Variants in SKAP2 observed in about 807,000 individuals in gnomAD.
SKAP2 encodes the protein src kinase-associated phosphoprotein 2.
A neutral mutation model predicts 54.9 loss-of-function variants in SKAP2; 28 were observed. The ratio of observed to expected loss-of-function variants is 0.51; its 90% confidence interval spans 0.38 to 0.70. SKAP2 has a LOEUF of 0.70. Among genes scored for constraint, SKAP2 ranks in the 30% least tolerant of loss-of-function variants. SKAP2 has a pLI of 0.00. For missense variants in SKAP2, 356 were observed against 424.1 expected, an observed-to-expected ratio of 0.84 and a Z score of 1.41; for synonymous variants, 137 against 134.3, an observed-to-expected ratio of 1.02 and a Z score of -0.14.
chr7:26,843,982 G>T, intron 4 of SKAP2, 48 bp downstream of exon 4: 2 of 1,126,880 alleles, frequency 1.8e-6, no homozygotes, highest in Non-Finnish European at 1.4e-6. Flanking sequence ...CATATATATA[G>T]CATTGTTTTG....
At chr7:26,815,750 T>C (rs566904136) in intron 4 of SKAP2, among the ~76,000 whole-genome samples, 23 of 152,222 alleles carry the variant, frequency 1.5e-4, no homozygotes, top group Middle Eastern at 3.4e-3. Context: ...TAACAGATTC[T>C]AAATACCACA....
chr7:26,842,366 T>C (rs1356851276), intron 4 of SKAP2, among the ~76,000 whole-genome samples: 1 of 151,668 alleles, frequency 6.6e-6, no homozygotes, highest in East Asian at 1.9e-4. Flanking sequence ...AAATATATGA[T>C]AAATTATTTA....
intron 1 of SKAP2, among the ~76,000 whole-genome samples, chr7:26,860,281 A>C (rs1459593316): frequency 6.6e-6 from 1 of 152,202 alleles, no homozygotes; most frequent in African/African-American, 2.4e-5. Flanking sequence ...TTATATACTT[A>C]AAATAGGCAA....
chr7:26,840,240 T>C (rs1784793444), intron 4 of SKAP2, among the ~76,000 whole-genome samples: 1 of 152,072 alleles, frequency 6.6e-6, no homozygotes, highest in South Asian at 2.1e-4. Context: ...AGGTTTCAGA[T>C]TTTTATCCAC....
At chr7:26,659,463 C>CA in the SKAP2 span, among the ~76,000 whole-genome samples, 2 of 152,082 alleles carry the variant, frequency 1.3e-5, no homozygotes, top group Non-Finnish European at 2.9e-5. Flanking sequence ...CATAAAAATA[C>CA]AATTTATGCC....
intron 4 of SKAP2, among the ~76,000 whole-genome samples, chr7:26,779,359 G>A (rs898907136): frequency 2.4e-4 from 36 of 151,910 alleles, no homozygotes; most frequent in Non-Finnish European, 2.2e-4. Flanking sequence ...TGAACTAATG[G>A]AAATAATTCC....
At chr7:26,680,684 T>C (rs1000787452) in intron 11 of SKAP2, among the ~76,000 whole-genome samples, 19 of 152,202 alleles carry the variant, frequency 1.2e-4, no homozygotes, top group Non-Finnish European at 1.5e-5. Context: ...AGCAACCCTA[T>C]GTGAATAGAA....
At chr7:26,797,594 A>T (rs1167166464) in intron 4 of SKAP2, among the ~76,000 whole-genome samples, 1 of 152,108 alleles carries the variant, frequency 6.6e-6, no homozygotes, top group Non-Finnish European at 1.5e-5. Flanking sequence ...CAAACAGTGA[A>T]GACTACAACA....
chr7:26,789,011 A>G (rs917220107), intron 4 of SKAP2, among the ~76,000 whole-genome samples: 3 of 152,220 alleles, frequency 2.0e-5, no homozygotes, highest in African/African-American at 7.2e-5. Flanking sequence ...AAATGGCAGC[A>G]GACACTTCAA....
At chr7:26,798,337 T>A (rs1455725836) in intron 4 of SKAP2, among the ~76,000 whole-genome samples, 1 of 150,486 alleles carries the variant, frequency 6.6e-6, no homozygotes, top group Non-Finnish European at 1.5e-5. Flanking sequence ...TTGGTGGAAA[T>A]AAACTTCAAA....
intron 4 of SKAP2, among the ~76,000 whole-genome samples, chr7:26,799,726 C>T (rs984939600): frequency 6.6e-6 from 1 of 152,166 alleles, no homozygotes; most frequent in Non-Finnish European, 1.5e-5. Context: ...CAGATATCTA[C>T]AAAACATTTC....
At chr7:26,726,478 T>C (rs1787712060) in intron 7 of SKAP2, among the ~76,000 whole-genome samples, 1 of 152,164 alleles carries the variant, frequency 6.6e-6, no homozygotes, top group Non-Finnish European at 1.5e-5. Flanking sequence ...TGTGTACTTT[T>C]ACCTTCATTT....
At chr7:26,839,714 G>A (rs1784782648) in intron 4 of SKAP2, among the ~76,000 whole-genome samples, 1 of 151,896 alleles carries the variant, frequency 6.6e-6, no homozygotes, top group Non-Finnish European at 1.5e-5. Context: ...TGAGAGAAAA[G>A]TAAAACATCT....
intron 9 of SKAP2, among the ~76,000 whole-genome samples, chr7:26,703,452 T>C (rs1387723552): frequency 6.6e-6 from 1 of 152,208 alleles, no homozygotes; most frequent in Non-Finnish European, 1.5e-5. Flanking sequence ...TAAAATTAAT[T>C]ATATAATGGA....
intron 4 of SKAP2, among the ~76,000 whole-genome samples, chr7:26,820,463 C>T (rs1243334870): frequency 6.6e-6 from 1 of 152,020 alleles, no homozygotes; most frequent in African/African-American, 2.4e-5. Flanking sequence ...ATTTTAAATC[C>T]ATTGGCATAT....
intron 4 of SKAP2, among the ~76,000 whole-genome samples, chr7:26,808,785 C>A (rs767011536): frequency 6.6e-6 from 1 of 152,094 alleles, no homozygotes. Flanking sequence ...ACAATGCCTA[C>A]GGCAAAAATC....
At chr7:26,710,920 T>A (rs1369402742) in intron 9 of SKAP2, among the ~76,000 whole-genome samples, 3 of 152,206 alleles carry the variant, frequency 2.0e-5, no homozygotes, top group African/African-American at 7.2e-5. Context: ...TGCTGGAGGA[T>A]AATGATATTA....
intron 6 of SKAP2, among the ~76,000 whole-genome samples, chr7:26,728,084 GA>G (rs1477312370): frequency 6.6e-6 from 1 of 151,450 alleles, no homozygotes; most frequent in Admixed American, 6.6e-5. Context: ...TATCAAATGA[GA>G]AAAAAAATCT....
chr7:26,812,133 G>C (rs917839204), intron 4 of SKAP2, among the ~76,000 whole-genome samples: 4 of 152,142 alleles, frequency 2.6e-5, no homozygotes. Flanking sequence ...TGATACAAAG[G>C]GGCATATTAC....
Sources: gnomAD v4.1 joint callset for allele counts (sites outside exome capture counted in the v4.1 genomes callset) on GRCh38, gnomAD v4.1.1 for gene constraint, MANE v1.5 for transcripts, NCBI Gene and HGNC (gene_info 2026-07-23, HGNC 2026-07-21) for gene names.